Variants in TRIM58 observed in about 807,000 individuals in gnomAD.
The protein encoded by TRIM58 is tripartite motif containing 58.
Under a neutral mutation model 34.1 loss-of-function variants are expected in TRIM58, and 38 were observed. That is an observed-to-expected ratio of 1.12 (90% CI 0.86 to 1.46). The LOEUF is 1.46. Ranked by LOEUF, TRIM58 falls within the 40% of genes most tolerant of loss-of-function variation. The pLI, the probability that TRIM58 is intolerant of heterozygous loss-of-function variation, is 0.00. For synonymous variants in TRIM58, 273 were observed against 275.7 expected (o/e 0.99, Z 0.10); for missense variants, 677 against 642.0 (o/e 1.05, Z -0.59).
chr1:247,873,667 T>C (rs187096746), intron 5 of TRIM58, among the ~76,000 whole-genome samples: 7 of 152,182 alleles, frequency 4.6e-5, no homozygotes, highest in Admixed American at 2.6e-4. Context: ...TCAGGTTGGG[T>C]ATCAATAAAA....
chr1:247,868,577 G>T (rs1478818908), intron 5 of TRIM58, among the ~76,000 whole-genome samples: 3 of 152,140 alleles, frequency 2.0e-5, no homozygotes, highest in Non-Finnish European at 4.4e-5. Flanking sequence ...CGGGTTGAGG[G>T]CTTTGTCCCA....
rs544713543 is a variant in TRIM58 at position 247,872,803 on chromosome 1, G to A, written c.872-3097G>A. ...CTCCAGTGGTGGTGGTGGAGGAGAA[G>A]AGAACAGCAAAGAGGATCAAGGAGT... On this transcript the variant is annotated intron_variant, in intron 5 of 5. Coordinates refer to ENST00000366481, the MANE Select transcript of TRIM58 (RefSeq NM_015431.4). 1.1e-4 allele frequency among the ~76,000 whole-genome samples: 17 copies of A among 152,282 alleles called. 1 individual carries two copies. Among genetic ancestry groups the A allele is most frequent in the African/African-American group, 4.1e-4 (17 of 41,560 alleles).
At position 247,876,273 on chromosome 1, in the gene TRIM58, G is replaced by A. The variant is rs949992322; in HGVS notation, c.1245G>A (p.Leu415=). Residue 415 remains leucine (L), a synonymous_variant, in exon 6 of 6, where the codon TTG becomes TTA. Transcript: ENST00000366481. The part of the protein sequence containing the change: ...LESPRCIGIF[L]DYEAGEISFY... Reference sequence around the variant, plus strand: ...GTCCTCGCTGCATTGGGATTTTCTTGGACTATGAAGCCGGTGAAATTTCAT... The same window carrying A: ...GTCCTCGCTGCATTGGGATTTTCTTAGACTATGAAGCCGGTGAAATTTCAT... 1 of 1,614,044 alleles carries A rather than the reference G, an allele frequency of 6.2e-7. No individual in the cohort carries two copies. The highest frequency in any genetic ancestry group is 8.5e-7 in the Non-Finnish European group (1 of 1,180,048).
chr1:247,860,490 A>G, intron 1 of TRIM58, 127 bp from the exon 2 acceptor site: 1 of 611,668 alleles, frequency 1.6e-6, no homozygotes, highest in Non-Finnish European at 2.9e-6. Context: ...TTAGTTTTTA[A>G]TGATATTGAA....
chr1:247,871,917 CAGGAA>C, intron 5 of TRIM58, among the ~76,000 whole-genome samples: 1 of 152,218 alleles, frequency 6.6e-6, no homozygotes, highest in African/African-American at 2.4e-5. Context: ...ATAAGGTGAC[CAGGAA>C]AGACCCCGCC....
chr1:247,875,959 C>G lies in TRIM58; in HGVS notation c.931C>G (p.Arg311Gly). The part of the protein sequence containing the change: ...HPSLLLTADL[R>G]SVQDGEPWRD... The stretch of plus-strand genomic sequence containing the variant: ...GAGTCTGCTCTTGACCGCCGACCTG[C>G]GCAGTGTGCAGGATGGAGAACCATG... The change falls in exon 6 of 6, where the codon CGC (arginine) becomes GGC (glycine). Residue 311 changes from arginine to glycine, a missense_variant. Physicochemically the swap from Arg to Gly is moderately radical, Grantham distance 125. Coordinates refer to ENST00000366481, the MANE Select transcript of TRIM58 (RefSeq NM_015431.4). 6.2e-7 allele frequency: 1 copy of G among 1,614,194 alleles called. No homozygotes were observed. The highest frequency in any genetic ancestry group is 1.3e-5 in the African/African-American group (1 of 75,042).
chr1:247,866,862 A>C (rs2103327876), intron 3 of TRIM58, among the ~76,000 whole-genome samples: 1 of 152,250 alleles, frequency 6.6e-6, no homozygotes, highest in South Asian at 2.1e-4. Context: ...CCTGGTACTA[A>C]TAAGCTACAT....
intron 1 of TRIM58, among the ~76,000 whole-genome samples, chr1:247,857,951 G>T (rs1373745466): frequency 1.3e-5 from 2 of 152,222 alleles, no homozygotes; most frequent in African/African-American, 2.4e-5. Context: ...TCCCGATGCG[G>T]ATAGTCTGGT....
At position 247,862,063 on chromosome 1, in the gene TRIM58, G is replaced by A. The variant is rs183026492; in HGVS notation, c.516+1351G>A. Among the ~76,000 whole-genome samples, 795 of 152,302 alleles carry A rather than the reference G, an allele frequency of 5.2e-3. 8 individuals carry two copies. Among genetic ancestry groups the A allele is most frequent in the African/African-American group, 0.018 (763 of 41,568 alleles). ...GAATTGCTTGAACCTAGGAGGCAGA[G>A]GTTGTGGTGAGCTGAGATCGTGCCA... is the stretch of plus-strand genomic sequence containing the variant. On this transcript the variant is annotated intron_variant, in intron 2 of 5. Transcript: ENST00000366481.
At chr1:247,857,923 T>A (rs1663679324) in intron 1 of TRIM58, among the ~76,000 whole-genome samples, 1 of 152,196 alleles carries the variant, frequency 6.6e-6, no homozygotes, top group Non-Finnish European at 1.5e-5. Context: ...GTCGTCGAAC[T>A]CGCGCTGGGC....
At chr1:247,867,918 G>C in intron 4 of TRIM58, 45 bp from the exon 5 acceptor site, 1 of 1,613,820 alleles carries the variant, frequency 6.2e-7, no homozygotes, top group African/African-American at 1.3e-5. Flanking sequence ...CAGAGGAGCT[G>C]GTGGAGAACC....
chr1:247,858,873 T>C (rs1663706228), intron 1 of TRIM58, among the ~76,000 whole-genome samples: 1 of 144,528 alleles, frequency 6.9e-6, no homozygotes, highest in Non-Finnish European at 1.5e-5. Flanking sequence ...TGCAAGCAAT[T>C]CTCCTGCCTC....
intron 2 of TRIM58, among the ~76,000 whole-genome samples, chr1:247,864,080 G>C (rs1259962502): frequency 6.6e-6 from 1 of 152,044 alleles, no homozygotes; most frequent in African/African-American, 2.4e-5. Context: ...CTGTGTGACT[G>C]CTCTATGCTA....
chr1:247,867,690 C>CAA (rs113791151), intron 3 of TRIM58, among the ~76,000 whole-genome samples, 155 bp from the exon 4 acceptor site: 149 of 147,384 alleles, frequency 1.0e-3, no homozygotes, highest in African/African-American at 3.5e-3. Context: ...AACTCCATCT[C>CAA]AAAAAAAAAA....
At chr1:247,869,936 G>A (rs889333205) in intron 5 of TRIM58, among the ~76,000 whole-genome samples, 2 of 152,224 alleles carry the variant, frequency 1.3e-5, no homozygotes, top group African/African-American at 4.8e-5. Context: ...ATGGGGAGGT[G>A]TGGATGATTT....
chr1:247,861,276 C>T (rs1437637897), intron 2 of TRIM58, among the ~76,000 whole-genome samples: 1 of 150,538 alleles, frequency 6.6e-6, no homozygotes, highest in Non-Finnish European at 1.5e-5. Flanking sequence ...CAGTGATTCA[C>T]ATACACACAC....
chr1:247,861,292 C>G (rs1028018209), intron 2 of TRIM58, among the ~76,000 whole-genome samples: 4 of 152,058 alleles, frequency 2.6e-5, no homozygotes, highest in African/African-American at 9.7e-5. Context: ...CACACACACA[C>G]AGTGATTCTC....
chr1:247,874,863 T>A (rs1255449166), intron 5 of TRIM58, among the ~76,000 whole-genome samples: 2 of 151,392 alleles, frequency 1.3e-5, no homozygotes, highest in Non-Finnish European at 2.9e-5. Flanking sequence ...GAACCTTACC[T>A]CCAACCTTAT....
chr1:247,869,597 A>G (rs1045169162), intron 5 of TRIM58, among the ~76,000 whole-genome samples: 1 of 152,228 alleles, frequency 6.6e-6, no homozygotes, highest in Admixed American at 6.5e-5. Context: ...TGCCTCCTGC[A>G]CTGTAGACCA....
Sources: allele counts gnomAD v4.1 joint callset (sites outside exome capture counted in the v4.1 genomes callset), GRCh38; gene constraint gnomAD v4.1.1; transcripts MANE v1.5; gene names NCBI Gene and HGNC (gene_info 2026-07-23, HGNC 2026-07-21).